Variants in UBE3B observed in about 807,000 individuals in gnomAD.
UBE3B encodes ubiquitin protein ligase E3B.
Under a neutral mutation model 132.3 loss-of-function variants are expected in UBE3B, and 80 were observed. That is an observed-to-expected ratio of 0.60 (90% CI 0.50 to 0.73). UBE3B has a LOEUF of 0.73. UBE3B is among the 30% of genes least tolerant of loss of function. UBE3B has a pLI of 0.00. For synonymous variants in UBE3B, 487 were observed against 520.4 expected (o/e 0.94, Z 0.87); for missense variants, 1,196 against 1,362.5 (o/e 0.88, Z 1.92).
At chr12:109,483,070 G>A (rs1011355280) in intron 2 of UBE3B, among the ~76,000 whole-genome samples, 32 of 152,148 alleles carry the variant, frequency 2.1e-4, no homozygotes, top group African/African-American at 7.7e-4. Context: ...AATCATGTTG[G>A]ATTTTTCTCT....
At chr12:109,482,194 C>A (rs1875582279) in intron 2 of UBE3B, among the ~76,000 whole-genome samples, 1 of 151,940 alleles carries the variant, frequency 6.6e-6, no homozygotes, top group African/African-American at 2.4e-5. Flanking sequence ...TTTTAAATTT[C>A]TTTGTATGGA....
chr12:109,486,205 A>G, intron 5 of UBE3B, 134 bp downstream of exon 5: 3 of 959,250 alleles, frequency 3.1e-6, no homozygotes, highest in Non-Finnish European at 4.6e-6. Flanking sequence ...AACATTACCA[A>G]AGTACAAATG....
In UBE3B at chr12:109,534,903, T is replaced by G; in HGVS notation, c.*121T>G. ...GTGACATTGGCCCCTAGACCCTCTC[T>G]ATAGCCATGAGACTCCTTGTGGCCT... On this transcript the variant is annotated 3_prime_UTR_variant, in exon 28 of 28. Coordinates refer to ENST00000342494, the MANE Select transcript of UBE3B (RefSeq NM_130466.4). The surrounding 1 kb of genome is among the most constrained non-coding windows in gnomAD (Gnocchi z 5.2). 1.3e-6 allele frequency: 1 copy of G among 798,166 alleles called. No individual in the cohort carries two copies. The highest frequency in any genetic ancestry group is 1.8e-6 in the Non-Finnish European group (1 of 542,782). 49.4% of individuals were successfully genotyped at this position (798,166 alleles called of 1,614,324 possible).
intron 18 of UBE3B, among the ~76,000 whole-genome samples, chr12:109,513,857 C>T (rs1880658012): frequency 6.6e-6 from 1 of 152,102 alleles, no homozygotes; most frequent in African/African-American, 2.4e-5. Flanking sequence ...GTTTTCAGAG[C>T]AGATGGGCTG....
chr12:109,529,979 T>C lies in UBE3B; in HGVS notation c.2717T>C (p.Ile906Thr). The change falls in exon 25 of 28, where the codon ATT (isoleucine) becomes ACT (threonine). Residue 906 changes from isoleucine to threonine, a missense_variant. Coordinates refer to ENST00000342494, the MANE Select transcript of UBE3B (RefSeq NM_130466.4). ...GCCCTCATTAGCGGATTCCGTTCCA[T>C]TATCAAACCCGAGTGGATCCGAATG... ...TAALISGFRS[I>T]IKPEWIRMFS... 1.9e-6 allele frequency: 3 copies of C among 1,614,188 alleles called. No individual in the cohort carries two copies. Among genetic ancestry groups the C allele is most frequent in the Non-Finnish European group, 2.5e-6 (3 of 1,180,046 alleles).
intron 23 of UBE3B, among the ~76,000 whole-genome samples, chr12:109,525,402 TC>T (rs1882226600): frequency 6.6e-6 from 1 of 152,206 alleles, no homozygotes; most frequent in South Asian, 2.1e-4. Context: ...ACAGAATAGC[TC>T]ACGGGCAGGG....
chr12:109,536,594 CCTTGATGGCT>C lies in UBE3B; in HGVS notation c.*1825_*1834del, dbSNP rs1174555460. 4 of 152,236 alleles carry C rather than the reference CCTTGATGGCT, an allele frequency of 2.6e-5. No homozygotes were observed. The highest frequency in any genetic ancestry group is 1.9e-4 in the East Asian group (1 of 5,202). The allele number at this position is 152,236 out of a possible 1,614,324, so 9.4% of individuals were successfully genotyped here. On this transcript the variant is annotated 3_prime_UTR_variant, in exon 28 of 28. Coordinates refer to ENST00000342494, the MANE Select transcript of UBE3B (RefSeq NM_130466.4). ...CTTTTGTAACTGGTGTTCACTGACA[CCTTGATGGCT>C]CTTGATGGCTCTAAAAAGTTGTAGG...
At chr12:109,539,576 T>C (rs558519514), downstream of UBE3B, among the ~76,000 whole-genome samples, 6 of 152,350 alleles carry the variant, frequency 3.9e-5, no homozygotes, top group Admixed American at 1.3e-4. Flanking sequence ...CCATGCAGTC[T>C]TGCCGTGAAC....
intron 1 of UBE3B, among the ~76,000 whole-genome samples, chr12:109,480,263 A>G (rs781503494): frequency 1.3e-5 from 2 of 151,912 alleles, no homozygotes; most frequent in South Asian, 2.1e-4. Context: ...ACACTCTACA[A>G]TGTGCACTCA....
intron 11 of UBE3B, 102 bp downstream of exon 11, chr12:109,498,455 A>G (rs1246931799): frequency 1.2e-5 from 16 of 1,356,102 alleles, no homozygotes; most frequent in Non-Finnish European, 1.1e-5. Context: ...TTCTGTAACA[A>G]TTGGAAGTGC....
rs1387485829 is a variant in UBE3B at position 109,521,510 on chromosome 12, T to C, written c.2323T>C (p.Phe775Leu). The change falls in exon 21 of 28, where the codon TTC (phenylalanine) becomes CTC (leucine). Residue 775 changes from phenylalanine to leucine, a missense_variant. Transcript: ENST00000342494. This position sits in a 1 kb window ranked among gnomAD's most constrained non-coding sequence, Gnocchi z 4.2. The stretch of plus-strand genomic sequence containing the variant: ...CATCCATGAGAATTACCTGCAGCTC[T>C]TCGAGTTTGTGGGGAAGATGCTGGG... ...SYIHENYLQL[F>L]EFVGKMLGKA... 1 of 1,601,412 alleles carries C rather than the reference T, an allele frequency of 6.2e-7. No individual in the cohort carries two copies. Among genetic ancestry groups the C allele is most frequent in the Admixed American group, 1.7e-5 (1 of 59,002 alleles).
intron 2 of UBE3B, among the ~76,000 whole-genome samples, 169 bp from the exon 3 acceptor site, chr12:109,483,362 T>C (rs1875804467): frequency 6.6e-6 from 1 of 152,142 alleles, no homozygotes; most frequent in Non-Finnish European, 1.5e-5. Context: ...AAAGAGCCTA[T>C]AGGAGGTAGG....
Position 109,522,234 on chromosome 12 carries a change from G to A in UBE3B, c.2364+683G>A, listed in dbSNP as rs1424523257. On this transcript the variant is annotated intron_variant, in intron 21 of 27. Coordinates refer to ENST00000342494, the MANE Select transcript of UBE3B (RefSeq NM_130466.4). This position sits in a 1 kb window ranked among gnomAD's most constrained non-coding sequence, Gnocchi z 4.2. The stretch of plus-strand genomic sequence containing the variant: ...TGCTCACACCAGGTGGATCGGAGCA[G>A]TCATCCTCACCTTACTAAGAGGAAG... 6.6e-6 allele frequency among the ~76,000 whole-genome samples: 1 copy of A among 152,188 alleles called. No homozygotes were observed. The highest frequency in any genetic ancestry group is 1.9e-4 in the East Asian group (1 of 5,186).
At chr12:109,533,220 G>A (rs1210695155) in intron 26 of UBE3B, among the ~76,000 whole-genome samples, 1 of 152,172 alleles carries the variant, frequency 6.6e-6, no homozygotes, top group African/African-American at 2.4e-5. Context: ...GCTCTCACAA[G>A]TGGCCAGTCG....
At chr12:109,486,626 T>G in intron 6 of UBE3B, 51 bp downstream of exon 6, 1 of 1,389,410 alleles carries the variant, frequency 7.2e-7, no homozygotes, top group Non-Finnish European at 9.8e-7. Flanking sequence ...ACAGTACGTA[T>G]GTCATTTTCA....
At position 109,516,890 on chromosome 12, in the gene UBE3B, T is replaced by C. The variant is rs1382401955; in HGVS notation, c.2076+6T>C. On this transcript the variant is annotated splice_donor_region_variant and intron_variant, in intron 19 of 27. Coordinates refer to ENST00000342494, the MANE Select transcript of UBE3B (RefSeq NM_130466.4). The stretch of plus-strand genomic sequence containing the variant: ...GCCGGTCCAGGATGCTGGAGGTGAG[T>C]GTGAAGCCTATGGAATCCTACCACA... 3 of 1,613,060 alleles carry C rather than the reference T, an allele frequency of 1.9e-6. No homozygotes were observed. The Admixed American group carries it at 5.0e-5, about 27-fold the overall frequency.
At chr12:109,490,750 C>T in intron 8 of UBE3B, 1 of 1,393,600 alleles carries the variant, frequency 7.2e-7, no homozygotes, top group South Asian at 1.7e-5. Flanking sequence ...GTAGAGTTAA[C>T]CTCGTTACCC....
chr12:109,535,016 T>G lies in UBE3B; in HGVS notation c.*234T>G. 4 of 388,286 alleles carry G rather than the reference T, an allele frequency of 1.0e-5. No individual in the cohort carries two copies. The highest frequency in any genetic ancestry group is 1.8e-5 in the Non-Finnish European group (4 of 219,778). 24.1% of individuals were successfully genotyped at this position (388,286 alleles called of 1,614,324 possible). A position where few individuals can be genotyped will look rare whatever the true frequency, so the allele number is the denominator to read the frequency against. On this transcript the variant is annotated 3_prime_UTR_variant, in exon 28 of 28. Transcript: ENST00000342494. Reference sequence around the variant, plus strand: ...GGCTGCAGAAAATAAACCTCCAGATTCCACCAACACGGGTCCATTCTTCCT... The same window carrying G: ...GGCTGCAGAAAATAAACCTCCAGATGCCACCAACACGGGTCCATTCTTCCT...
At chr12:109,524,593 C>T in intron 23 of UBE3B, 90 bp downstream of exon 23, 6 of 1,413,018 alleles carry the variant, frequency 4.2e-6, no homozygotes, top group South Asian at 1.2e-5. Flanking sequence ...AGAAAGAGCC[C>T]CAAGCTGAGG....
Sources: gnomAD v4.1 joint callset for allele counts (sites outside exome capture counted in the v4.1 genomes callset) on GRCh38, gnomAD v4.1.1 for gene constraint, Gnocchi (gnomAD v3.1) non-coding constraint, MANE v1.5 for transcripts, NCBI Gene and HGNC (gene_info 2026-07-23, HGNC 2026-07-21) for gene names.